Variants in PREX1 observed in about 807,000 individuals in gnomAD.
PREX1 encodes phosphatidylinositol 3,4,5-trisphosphate-dependent Rac exchanger 1 protein.
A neutral mutation model predicts 198.3 loss-of-function variants in PREX1; 41 were observed. That is an observed-to-expected ratio of 0.21 (90% CI 0.16 to 0.27). The LOEUF (loss-of-function observed/expected upper bound fraction) is 0.27. PREX1 is among the 10% of genes least tolerant of loss of function. The pLI is 1.00. For missense variants in PREX1, 1,620 were observed against 2,200.7 expected (o/e 0.74, Z 5.28); for synonymous variants, 843 against 887.2 (o/e 0.95, Z 0.89).
At chr20:48,765,543 A>C (rs2090204415) in intron 1 of PREX1, among the ~76,000 whole-genome samples, 2 of 152,192 alleles carry the variant, frequency 1.3e-5, no homozygotes, top group African/African-American at 4.8e-5. Flanking sequence ...CTGCATGCCA[A>C]TGCCAGGGGT....
chr20:48,848,925 C>A, the PREX1 span, among the ~76,000 whole-genome samples: 1 of 151,776 alleles, frequency 6.6e-6, no homozygotes, highest in African/African-American at 2.4e-5. Flanking sequence ...TTAGTAGAGA[C>A]GGGGGTTTCA....
chr20:48,678,376 T>TGG (rs1383317959), intron 13 of PREX1, among the ~76,000 whole-genome samples: 1 of 151,108 alleles, frequency 6.6e-6, no homozygotes, highest in African/African-American at 2.4e-5. Context: ...GAGGCTCAGG[T>TGG]GGGAGGACTG....
chr20:48,743,028 C>CA (rs952293290), intron 3 of PREX1, among the ~76,000 whole-genome samples: 1 of 152,202 alleles, frequency 6.6e-6, no homozygotes, highest in Admixed American at 6.5e-5. Context: ...CCACCCCCTC[C>CA]AGGAAGCAGG....
intron 5 of PREX1, among the ~76,000 whole-genome samples, chr20:48,717,434 G>A (rs1374498888): frequency 6.6e-6 from 1 of 151,650 alleles, no homozygotes. Context: ...AGTCCCCTGC[G>A]GCCATACCTA....
At chr20:48,782,932 A>G (rs981775532) in intron 1 of PREX1, among the ~76,000 whole-genome samples, 4 of 152,144 alleles carry the variant, frequency 2.6e-5, no homozygotes, top group Admixed American at 6.5e-5. Context: ...GACAAAAAGG[A>G]CTGTAGGAGG....
the PREX1 span, among the ~76,000 whole-genome samples, chr20:48,866,856 G>T: frequency 0.015 from 2,259 of 152,098 alleles, 52 homozygotes; most frequent in African/African-American, 0.049. Context: ...TTGAGCCTGG[G>T]AGGTGGAGGT....
At chr20:48,859,632 G>T in the PREX1 span, among the ~76,000 whole-genome samples, 7 of 152,198 alleles carry the variant, frequency 4.6e-5, no homozygotes. Context: ...AGCTGCTGTA[G>T]ACCACAGAAT....
chr20:48,657,679 C>T (rs367821468), intron 17 of PREX1, among the ~76,000 whole-genome samples: 10 of 152,314 alleles, frequency 6.6e-5, no homozygotes, highest in South Asian at 6.2e-4. Flanking sequence ...CCAGCCAGCA[C>T]GGCAGGTGCA....
chr20:48,684,879 C>T lies in PREX1; in HGVS notation c.1335-3544G>A, dbSNP rs569097418. On this transcript the variant is annotated intron_variant, in intron 10 of 39. Transcript: ENST00000371941. The surrounding 1 kb of genome is among the most constrained non-coding windows in gnomAD (Gnocchi z 4.2). ...AAGCTCACTGCAGCCTCAGGGCTTTCGCGCCTACTGCTTCCTAAGCCAGGA... is the reference window on the plus strand; with the variant it reads ...AAGCTCACTGCAGCCTCAGGGCTTTTGCGCCTACTGCTTCCTAAGCCAGGA... Among the ~76,000 whole-genome samples, 93 of 152,348 alleles carry T rather than the reference C, an allele frequency of 6.1e-4. No homozygotes were observed. The highest frequency in any genetic ancestry group is 1.1e-3 in the Non-Finnish European group (76 of 68,036).
rs188051556 is a variant in PREX1 at position 48,632,456 on chromosome 20, C to T, written c.4411+40G>A. 2.3e-5 allele frequency: 37 copies of T among 1,613,474 alleles called. No individual in the cohort carries two copies. The East Asian group carries it at 3.6e-4, about 16-fold the overall frequency. ...GCCGGTGTGCTTGGTGGCCTTGGCC[C>T]GGCCCCCGTGGTCCTCCCTGCCCCA... On this transcript the variant is annotated intron_variant, in intron 34 of 39. Coordinates refer to ENST00000371941, the MANE Select transcript of PREX1 (RefSeq NM_020820.4).
intron 15 of PREX1, among the ~76,000 whole-genome samples, chr20:48,660,897 T>C (rs2089585625): frequency 6.6e-6 from 1 of 152,256 alleles, no homozygotes; most frequent in Admixed American, 6.5e-5. Flanking sequence ...GAAATGATGC[T>C]GAGACACTTT....
At position 48,652,687 on chromosome 20, in the gene PREX1, T is replaced by C. The variant is rs200304859; in HGVS notation, c.2366A>G (p.Tyr789Cys). Residue 789 changes from tyrosine to cysteine, a missense_variant, in exon 21 of 40, where the codon TAC (tyrosine) becomes TGC (cysteine). Around this residue, in one of 7 missense-constraint regions of PREX1, gnomAD observed 514 missense variants for 611.6 expected, o/e 0.84. Coordinates refer to ENST00000371941, the MANE Select transcript of PREX1 (RefSeq NM_020820.4). ...TTCCTGGGCATCCTCATGGGTGTGG[T>C]AGATCCACTGGTACAGGCCCTGCCA... ...EEALGLYQWI[Y>C]HTHEDAQEAR... 537 of 1,612,780 alleles carry C rather than the reference T, an allele frequency of 3.3e-4. No homozygotes were observed. The highest frequency in any genetic ancestry group is 4.2e-4 in the Non-Finnish European group (492 of 1,179,424).
chr20:48,708,137 A>T (rs2089912329), intron 6 of PREX1, 123 bp downstream of exon 6: 1 of 1,070,666 alleles, frequency 9.3e-7, no homozygotes, highest in Non-Finnish European at 1.3e-6. Flanking sequence ...ATCTTTTGCA[A>T]ACACTGTAGG....
At position 48,650,090 on chromosome 20, in the gene PREX1, T is replaced by G; in HGVS notation, c.2934A>C (p.Glu978Asp). The part of the protein sequence containing the change: ...CPTNCHINLM[E>D]VSYPKTTPSV... ...AGGGGGTGGTCTTGGGGTAGGACACTTCCATGAGGTTGATGTGGCAATTGG... is the reference window on the plus strand; with the variant it reads ...AGGGGGTGGTCTTGGGGTAGGACACGTCCATGAGGTTGATGTGGCAATTGG... Residue 978 changes from glutamate (E) to aspartate (D), a missense_variant, in exon 24 of 40, where the codon GAA becomes GAC. Physicochemically the swap from Glu to Asp is conservative, Grantham distance 45 (BLOSUM62 2). Around this residue, in one of 7 missense-constraint regions of PREX1, gnomAD observed 514 missense variants for 611.6 expected, o/e 0.84. Coordinates refer to ENST00000371941, the MANE Select transcript of PREX1 (RefSeq NM_020820.4). The G allele has an allele frequency of 6.2e-7, 1 of 1,614,120 alleles. No homozygotes were observed.
the PREX1 span, among the ~76,000 whole-genome samples, chr20:48,839,023 A>G: frequency 1.4e-5 from 2 of 148,074 alleles, no homozygotes; most frequent in Non-Finnish European, 3.0e-5. Context: ...AAAAAAAAGC[A>G]AGGAAATATA....
intron 1 of PREX1, among the ~76,000 whole-genome samples, chr20:48,767,310 T>C (rs1252490961): frequency 6.6e-6 from 1 of 152,088 alleles, no homozygotes. Flanking sequence ...GCTCCTTCCC[T>C]GGGGGACCTG....
chr20:48,783,712 G>C (rs1467661570), intron 1 of PREX1, among the ~76,000 whole-genome samples: 2 of 152,166 alleles, frequency 1.3e-5, no homozygotes, highest in African/African-American at 4.8e-5. Context: ...TCAGGAGTGA[G>C]ATTGGTCTCG....
intron 15 of PREX1, among the ~76,000 whole-genome samples, chr20:48,665,830 A>G (rs2089635955): frequency 6.6e-6 from 1 of 152,110 alleles, no homozygotes; most frequent in Non-Finnish European, 1.5e-5. Flanking sequence ...TGGAAAGAAA[A>G]GTCACTTATC....
At chr20:48,811,833 G>C (rs905451861) in intron 1 of PREX1, among the ~76,000 whole-genome samples, 4 of 152,184 alleles carry the variant, frequency 2.6e-5, no homozygotes, top group Admixed American at 2.6e-4. Flanking sequence ...CAACTCATTT[G>C]GATACAACTT....
Sources: gnomAD v4.1 joint callset for allele counts (sites outside exome capture counted in the v4.1 genomes callset) on GRCh38, gnomAD v4.1.1 for gene constraint, gnomAD v4.1.1 regional missense constraint, Gnocchi (gnomAD v3.1) non-coding constraint, MANE v1.5 for transcripts, NCBI Gene and HGNC (gene_info 2026-07-23, HGNC 2026-07-21) for gene names.